The following PI4KB variants were observed in gnomAD, a reference collection of about 807,000 sequenced individuals.
PI4KB encodes the protein PtdIns 4-kinase beta.
Under a neutral mutation model 81.4 loss-of-function variants are expected in PI4KB, and 23 were observed. The observed-to-expected ratio is 0.28, with a 90% CI of 0.20 to 0.40. The LOEUF (loss-of-function observed/expected upper bound fraction) is 0.40. Ranked by LOEUF, PI4KB falls within the 10% of genes least tolerant of loss-of-function variation. PI4KB has a pLI of 1.00. For missense variants in PI4KB, 651 were observed against 1,036.6 expected, an observed-to-expected ratio of 0.63 and a Z score of 5.11; for synonymous variants, 381 against 406.8, an observed-to-expected ratio of 0.94 and a Z score of 0.76.
intron 9 of PI4KB, among the ~76,000 whole-genome samples, chr1:151,296,615 C>T (rs1477496374): frequency 6.6e-6 from 1 of 151,586 alleles, no homozygotes; most frequent in Non-Finnish European, 1.5e-5. Flanking sequence ...GGAATACAGG[C>T]GCCCGCCACC....
intron 2 of PI4KB, among the ~76,000 whole-genome samples, chr1:151,311,652 A>G (rs587635630): frequency 6.6e-6 from 1 of 152,334 alleles, no homozygotes; most frequent in East Asian, 1.9e-4. Flanking sequence ...TCCCTGAGCA[A>G]CGCTCCAGCT....
intron 1 of PI4KB, among the ~76,000 whole-genome samples, chr1:151,324,459 A>G (rs1211298964): frequency 6.6e-6 from 1 of 151,878 alleles, no homozygotes; most frequent in African/African-American, 2.4e-5. Flanking sequence ...CCTTATAGAA[A>G]CTCAGGGCCA....
Position 151,327,313 on chromosome 1 carries a change from G to A in PI4KB, c.-71C>T. ...GGAGGGGGTGCGGGCAGTCGCGGTT[G>A]GACTGCCGACACTGCCGCCTCAGCA... On this transcript the variant is annotated 5_prime_UTR_variant, in exon 1 of 12. Coordinates refer to ENST00000368873, the MANE Select transcript of PI4KB (RefSeq NM_001369623.2). 1 of 396,186 alleles carries A rather than the reference G, an allele frequency of 2.5e-6. No individual in the cohort carries two copies. Among genetic ancestry groups the A allele is most frequent in the Non-Finnish European group, 4.4e-6 (1 of 225,530 alleles). 24.5% of individuals were successfully genotyped at this position (396,186 alleles called of 1,614,324 possible).
chr1:151,314,725 G>A (rs587752932), intron 2 of PI4KB, among the ~76,000 whole-genome samples: 2 of 152,294 alleles, frequency 1.3e-5, no homozygotes, highest in African/African-American at 4.8e-5. Flanking sequence ...TTACACTTAT[G>A]TCAACAAAAG....
rs116455986 is a variant in PI4KB, at chr1:151,297,833, C to T, written c.2015+975G>A. 6.9e-3 allele frequency among the ~76,000 whole-genome samples: 1,046 copies of T among 152,276 alleles called. 14 individuals are homozygous for T. The highest frequency in any genetic ancestry group is 0.023 in the African/African-American group (976 of 41,540). The stretch of plus-strand genomic sequence containing the variant: ...GGATTATAGGCATGAGCCACCACAC[C>T]CAGCCATTATTAGCTAGATCTTAAT... On this transcript the variant is annotated intron_variant, in intron 9 of 11. Transcript: ENST00000368873.
intron 3 of PI4KB, 88 bp downstream of exon 3, chr1:151,310,123 G>T: frequency 2.2e-6 from 2 of 920,154 alleles, no homozygotes; most frequent in Non-Finnish European, 3.5e-6. Flanking sequence ...CTCCAGCCTT[G>T]GCCTGGGGGC....
At chr1:151,301,541 GCGCCCGCCACCA>G (rs1695281718) in intron 8 of PI4KB, among the ~76,000 whole-genome samples, 1 of 152,220 alleles carries the variant, frequency 6.6e-6, no homozygotes, top group Non-Finnish European at 1.5e-5. Context: ...GGGACTACAG[GCGCCCGCCACCA>G]CACCCGGCTA....
intron 11 of PI4KB, chr1:151,293,310 G>A: frequency 3.6e-6 from 5 of 1,379,262 alleles, no homozygotes; most frequent in Middle Eastern, 2.0e-4. Context: ...GGGCCCAGAG[G>A]GCAGGCTGGG....
chr1:151,319,967 C>T (rs566580354), intron 1 of PI4KB, among the ~76,000 whole-genome samples: 5 of 152,296 alleles, frequency 3.3e-5, no homozygotes, highest in African/African-American at 1.2e-4. Context: ...TCTTTAGTCC[C>T]TCTGGGAGGC....
rs779003683 is a variant in PI4KB at position 151,310,177 on chromosome 1, G to A, written c.954+34C>T. On this transcript the variant is annotated intron_variant, in intron 3 of 11. Coordinates refer to ENST00000368873, the MANE Select transcript of PI4KB (RefSeq NM_001369623.2). ...GAGAGGAAATGCGGCCACTGGGGGA[G>A]CCTGCCACCCCGTCCCAGCCTGGCC... 3.9e-6 allele frequency: 6 copies of A among 1,553,272 alleles called. 1 individual carries two copies. In the South Asian group the frequency reaches 4.5e-5, roughly 12 times the overall value.
chr1:151,326,333 TCACAA>T, intron 1 of PI4KB: 1 of 644,716 alleles, frequency 1.6e-6, no homozygotes, highest in Admixed American at 3.0e-5. Flanking sequence ...CTCCCCCTGC[TCACAA>T]CACATTTTTC....
chr1:151,294,141 G>A lies in PI4KB; in HGVS notation c.2149-3C>T. On this transcript the variant is annotated splice_region_variant and splice_polypyrimidine_tract_variant and intron_variant, in intron 10 of 11. Transcript: ENST00000368873. ...TCGCCATCCAGGCCGCCCATCACCT[G>A]GAAAGGGAAGAGAGCGTTGTGTGCA... 1.2e-6 allele frequency: 2 copies of A among 1,611,900 alleles called. No individual in the cohort carries two copies. Among genetic ancestry groups the A allele is most frequent in the Non-Finnish European group, 1.7e-6 (2 of 1,178,756 alleles).
chr1:151,303,414 G>A, intron 6 of PI4KB, 127 bp downstream of exon 6: 1 of 731,280 alleles, frequency 1.4e-6, no homozygotes, highest in East Asian at 2.5e-5. Flanking sequence ...CCCCAAACAA[G>A]GACAGAATGA....
intron 3 of PI4KB, among the ~76,000 whole-genome samples, chr1:151,309,899 G>C (rs1696062791): frequency 6.6e-6 from 1 of 152,204 alleles, no homozygotes; most frequent in African/African-American, 2.4e-5. Context: ...TAATCCAGGA[G>C]TGAATTCTAC....
chr1:151,307,402 C>G (rs1181018489), intron 4 of PI4KB, among the ~76,000 whole-genome samples, 172 bp downstream of exon 4: 2 of 152,168 alleles, frequency 1.3e-5, no homozygotes, highest in Admixed American at 6.5e-5. Flanking sequence ...TACAGGGGGG[C>G]TCTCAAAATC....
chr1:151,303,464 G>A, intron 6 of PI4KB, 77 bp downstream of exon 6: 1 of 885,494 alleles, frequency 1.1e-6, no homozygotes. Context: ...TGATTGAGAT[G>A]GAGAGGAAGG....
At chr1:151,299,863 C>G (rs1695114837) in intron 8 of PI4KB, among the ~76,000 whole-genome samples, 1 of 151,990 alleles carries the variant, frequency 6.6e-6, no homozygotes, top group African/African-American at 2.4e-5. Flanking sequence ...CTGCTACAGA[C>G]CAATTTGGGA....
chr1:151,321,346 A>C (rs926563562), intron 1 of PI4KB, among the ~76,000 whole-genome samples: 2 of 152,096 alleles, frequency 1.3e-5, no homozygotes, highest in African/African-American at 4.8e-5. Flanking sequence ...AATAGGGTTA[A>C]ATTGCTTTAG....
intron 9 of PI4KB, among the ~76,000 whole-genome samples, chr1:151,294,823 C>T (rs963719548): frequency 6.6e-6 from 1 of 152,190 alleles, no homozygotes; most frequent in African/African-American, 2.4e-5. Context: ...CCAGAAATTG[C>T]ACTTCTGGCA....
Sources: gnomAD v4.1 joint callset for allele counts (sites outside exome capture counted in the v4.1 genomes callset) on GRCh38, gnomAD v4.1.1 for gene constraint, MANE v1.5 for transcripts, NCBI Gene and HGNC (gene_info 2026-07-23, HGNC 2026-07-21) for gene names.